ZCCHC8: variants seen among roughly 807,000 people sequenced by gnomAD.
ZCCHC8 encodes the protein zinc finger CCHC domain-containing protein 8.
A neutral mutation model predicts 70.6 loss-of-function variants in ZCCHC8; 27 were observed. The observed-to-expected ratio is 0.38, with a 90% CI of 0.28 to 0.53. ZCCHC8 has a LOEUF of 0.53. Ranked by LOEUF, ZCCHC8 falls within the 20% of genes least tolerant of loss-of-function variation. The probability of loss-of-function intolerance (pLI) is 0.81; values close to 1 mark genes in which losing one functional copy is unlikely to be tolerated. For synonymous variants in ZCCHC8, 293 were observed against 317.4 expected, an observed-to-expected ratio of 0.92 and a Z score of 0.82; for missense variants, 737 against 876.9, an observed-to-expected ratio of 0.84 and a Z score of 2.01.
At chr12:122,482,917 G>C (rs1299816814) in intron 7 of ZCCHC8, 1 of 531,360 alleles carries the variant, frequency 1.9e-6, no homozygotes, top group Admixed American at 3.5e-5. Flanking sequence ...GTTCCTGACT[G>C]ATCTGTTACC....
In ZCCHC8 at chr12:122,483,279, C is replaced by A. The variant is rs1355760574; in HGVS notation, c.671G>T (p.Arg224Met). The change falls in exon 7 of 14, where the codon AGG becomes ATG. Residue 224 changes from arginine (R) to methionine (M), a missense_variant and splice_region_variant. Coordinates refer to ENST00000633063, the MANE Select transcript of ZCCHC8 (RefSeq NM_017612.5). This position sits in a 1 kb window ranked among gnomAD's most constrained non-coding sequence, Gnocchi z 4.4. ...AAACAAAACAACTCCCCACACAAAC[C>A]TTTTTGCCTTTACTTGTATTTCTTG... is the stretch of plus-strand genomic sequence containing the variant. The part of the protein sequence containing the change: ...EGQEIQVKAK[R>M]PKPHCFNCGS... 6.3e-7 allele frequency: 1 copy of A among 1,592,816 alleles called. No homozygotes were observed. The highest frequency in any genetic ancestry group is 1.1e-5 in the South Asian group (1 of 87,496).
intron 10 of ZCCHC8, 124 bp downstream of exon 10, chr12:122,481,398 A>G: frequency 8.2e-7 from 1 of 1,224,586 alleles, no homozygotes; most frequent in South Asian, 1.7e-5. Flanking sequence ...AAACATCATC[A>G]TGATATTTTT....
At chr12:122,478,159 G>A (rs761955936) in intron 12 of ZCCHC8, 47 bp downstream of exon 12, 13 of 1,446,728 alleles carry the variant, frequency 9.0e-6, no homozygotes, top group Non-Finnish European at 1.1e-5. Context: ...ACACAATCTC[G>A]CAGACACAAC....
Position 122,483,247 on chromosome 12 carries a change from A to G in ZCCHC8, c.671+32T>C. The G allele has an allele frequency of 3.9e-6, 6 of 1,556,326 alleles. No homozygotes were observed. The highest frequency in any genetic ancestry group is 2.4e-5 in the East Asian group (1 of 42,498). On this transcript the variant is annotated intron_variant, in intron 7 of 13. Transcript: ENST00000633063. The surrounding 1 kb of genome is among the most constrained non-coding windows in gnomAD (Gnocchi z 4.4). Reference sequence around the variant, plus strand: ...TTTATGATTTTGGTTAAAAAAGTAAATAAGTAAAACAAAACAACTCCCCAC... The same window carrying G: ...TTTATGATTTTGGTTAAAAAAGTAAGTAAGTAAAACAAAACAACTCCCCAC...
chr12:122,499,033 G>A (rs1178183158), intron 1 of ZCCHC8, 164 bp from the exon 2 acceptor site: 13 of 686,298 alleles, frequency 1.9e-5, no homozygotes, highest in Non-Finnish European at 3.2e-5. Flanking sequence ...TGCAGGGGTA[G>A]GCTTTTGAAA....
rs1957902550 is a variant in ZCCHC8, at chr12:122,500,348, C to T, written c.199+294G>A. ...GGGCAATTAAGGGCTTGTGTACAAT[C>T]TGTCAGGTGAGCAGCCTAAAATAAC... On this transcript the variant is annotated intron_variant, in intron 1 of 13. Coordinates refer to ENST00000633063, the MANE Select transcript of ZCCHC8 (RefSeq NM_017612.5). This position sits in a 1 kb window ranked among gnomAD's most constrained non-coding sequence, Gnocchi z 4.8. The T allele has an allele frequency of 7.2e-6, 3 of 417,940 alleles. No homozygotes were observed. In the Admixed American group the frequency reaches 1.2e-4, roughly 17 times the overall value. The allele number at this position is 417,940 out of a possible 1,614,324, so 25.9% of individuals were successfully genotyped here.
At chr12:122,494,293 C>A (rs1351345015) in intron 2 of ZCCHC8, among the ~76,000 whole-genome samples, 3 of 152,072 alleles carry the variant, frequency 2.0e-5, no homozygotes, top group Non-Finnish European at 4.4e-5. Flanking sequence ...GTGGCTCATG[C>A]CTGTAATCCC....
intron 5 of ZCCHC8, among the ~76,000 whole-genome samples, chr12:122,484,642 C>T (rs1013257516): frequency 2.0e-5 from 3 of 151,942 alleles, no homozygotes; most frequent in African/African-American, 2.4e-5. Flanking sequence ...ATCCTCCCGC[C>T]TCAGCCTCCC....
rs1488226334 is a variant in ZCCHC8 at position 122,483,529 on chromosome 12, C to T, written c.536G>A (p.Cys179Tyr). The T allele has an allele frequency of 1.9e-6, 3 of 1,590,538 alleles. No individual in the cohort carries two copies. The highest frequency in any genetic ancestry group is 2.6e-6 in the Non-Finnish European group (3 of 1,167,134). Reference protein sequence around the residue: ...VGSVLYFTNFCLDKLGQPLLN... With the variant: ...VGSVLYFTNFYLDKLGQPLLN... ...AAGCGGTTGCCCCAATTTATCAAGG[C>T]AAAAATTAGTAAAATACAGGACACT... The change falls in exon 6 of 14, where the codon TGC (cysteine) becomes TAC (tyrosine). Residue 179 changes from cysteine to tyrosine, a missense_variant. Transcript: ENST00000633063. The surrounding 1 kb of genome is among the most constrained non-coding windows in gnomAD (Gnocchi z 4.4).
chr12:122,481,270 A>G, intron 10 of ZCCHC8: 1 of 290,576 alleles, frequency 3.4e-6, no homozygotes, highest in South Asian at 1.1e-4. Flanking sequence ...AGAGCTTATG[A>G]GGACTGGCTG....
At chr12:122,494,663 G>A (rs1957799998) in intron 2 of ZCCHC8, among the ~76,000 whole-genome samples, 1 of 152,098 alleles carries the variant, frequency 6.6e-6, no homozygotes, top group Admixed American at 6.6e-5. Flanking sequence ...AGACCATCCT[G>A]GCTAACACGG....
At chr12:122,498,352 G>C (rs1166419408) in intron 2 of ZCCHC8, among the ~76,000 whole-genome samples, 2 of 151,660 alleles carry the variant, frequency 1.3e-5, no homozygotes, top group Non-Finnish European at 2.9e-5. Context: ...GGCTGCTCTC[G>C]AACTGACCTC....
chr12:122,488,758 C>G (rs966005355), intron 5 of ZCCHC8, among the ~76,000 whole-genome samples: 1 of 151,416 alleles, frequency 6.6e-6, no homozygotes, highest in African/African-American at 2.4e-5. Flanking sequence ...GTAATCCCAG[C>G]TACTCGGGAA....
chr12:122,500,783 C>A lies in ZCCHC8; in HGVS notation c.58G>T (p.Glu20Ter). ...LELFEPFDHP[E>*]ESIPKPVHTR... The stretch of plus-strand genomic sequence containing the variant: ...TGAACGGGCTTCGGAATCGACTCCT[C>A]TGGGTGGTCGAACGGCTCGAAGAGC... Residue 20 changes from glutamate to a stop codon, truncating the protein, a stop_gained, in exon 1 of 14, where the codon GAG (glutamate) becomes TAG (stop). Coordinates refer to ENST00000633063, the MANE Select transcript of ZCCHC8 (RefSeq NM_017612.5). LOFTEE classifies it high-confidence loss of function. The surrounding 1 kb of genome is among the most constrained non-coding windows in gnomAD (Gnocchi z 4.8). 6.3e-7 allele frequency: 1 copy of A among 1,590,446 alleles called. No homozygotes were observed. The highest frequency in any genetic ancestry group is 1.8e-5 in the Admixed American group (1 of 56,514).
At chr12:122,497,049 A>T (rs1957836328) in intron 2 of ZCCHC8, among the ~76,000 whole-genome samples, 1 of 152,022 alleles carries the variant, frequency 6.6e-6, no homozygotes, top group Non-Finnish European at 1.5e-5. Flanking sequence ...CAGGAGGCTG[A>T]GGCAGGAGAA....
rs569652070 is a variant in ZCCHC8, at chr12:122,477,932, C to T, written c.1254G>A (p.Arg418=). ...TACCTGGGCTAGAGTGAGATGAAGACCTCTTGTTGCCAGACTTCACACCTG... is the reference window on the plus strand; with the variant it reads ...TACCTGGGCTAGAGTGAGATGAAGATCTCTTGTTGCCAGACTTCACACCTG... ...QAPGVKSGNK[R]SSSHSSPGSP... Residue 418 remains arginine (R), a synonymous_variant, in exon 13 of 14, where the codon AGG becomes AGA. Transcript: ENST00000633063. 142 of 1,613,924 alleles carry T rather than the reference C, an allele frequency of 8.8e-5. No homozygotes were observed. The East Asian group carries it at 3.1e-3, about 35-fold the overall frequency.
At position 122,474,170 on chromosome 12, in the gene ZCCHC8, A is replaced by G; in HGVS notation, c.1451T>C (p.Phe484Ser). Residue 484 changes from phenylalanine (F) to serine (S), a missense_variant, in exon 14 of 14, where the codon TTC (phenylalanine) becomes TCC (serine). Transcript: ENST00000633063. Reference protein sequence around the residue: ...PLPRGTPPPVFTPPLPKGTPP... With the variant: ...PLPRGTPPPVSTPPLPKGTPP... ...GGTGCCCTTTGGGAGTGGAGGGGTG[A>G]AGACGGGTGGAGGAGTTCCCCGGGG... The G allele has an allele frequency of 2.0e-6, 3 of 1,515,546 alleles. No homozygotes were observed. The highest frequency in any genetic ancestry group is 2.6e-6 in the Non-Finnish European group (3 of 1,139,782). 93.9% of individuals were successfully genotyped at this position (1,515,546 alleles called of 1,614,324 possible).
At chr12:122,477,805 AAAAG>A (rs1212777649) in intron 13 of ZCCHC8, 32 bp downstream of exon 13, 4 of 1,497,434 alleles carry the variant, frequency 2.7e-6, no homozygotes, top group Non-Finnish European at 3.7e-6. Flanking sequence ...AAAAAAAAAA[AAAAG>A]AGAGAAATCA....
intron 5 of ZCCHC8, among the ~76,000 whole-genome samples, chr12:122,486,595 A>T (rs11058375): frequency 0.023 from 3,456 of 151,296 alleles, 57 homozygotes; most frequent in Non-Finnish European, 0.035. Context: ...TGAGAGAGAG[A>T]GTCTCGCTCT....
Sources: allele counts gnomAD v4.1 joint callset (sites outside exome capture counted in the v4.1 genomes callset), GRCh38; gene constraint gnomAD v4.1.1; non-coding constraint Gnocchi (gnomAD v3.1); transcripts MANE v1.5; gene names NCBI Gene and HGNC (gene_info 2026-07-23, HGNC 2026-07-21).